LDB2: variants seen among roughly 807,000 people sequenced by gnomAD.
LDB2 encodes the protein LIM domain-binding protein 2.
LDB2 carries 12 observed loss-of-function variants against 44.3 expected under a neutral mutation model. The observed-to-expected ratio is 0.27, with a 90% confidence interval of 0.17 to 0.44. The LOEUF (loss-of-function observed/expected upper bound fraction) is 0.44, where lower values mean the gene tolerates loss of function less well. LDB2 is among the 20% of genes least tolerant of loss of function. The pLI is 1.00. For missense variants in LDB2, 344 were observed against 473.5 expected, an observed-to-expected ratio of 0.73 and a Z score of 2.54; for synonymous variants, 164 against 174.8, an observed-to-expected ratio of 0.94 and a Z score of 0.49.
intron 1 of LDB2, among the ~76,000 whole-genome samples, chr4:16,765,243 C>A (rs1027906117): frequency 6.6e-6 from 1 of 152,178 alleles, no homozygotes; most frequent in Non-Finnish European, 1.5e-5. Flanking sequence ...CAGAAAGGAG[C>A]CAGCATATGC....
chr4:16,768,424 C>T (rs1216710900), intron 1 of LDB2, among the ~76,000 whole-genome samples: 2 of 152,134 alleles, frequency 1.3e-5, no homozygotes, highest in African/African-American at 4.8e-5. Flanking sequence ...CATCAGCTAA[C>T]CTTTCTCAGA....
intron 1 of LDB2, among the ~76,000 whole-genome samples, chr4:16,887,156 G>C (rs16894160): frequency 0.036 from 5,431 of 150,474 alleles, 120 homozygotes; most frequent in South Asian, 0.058. Context: ...TTAATGCTTG[G>C]TAAGTGTGTT....
At chr4:16,768,452 T>A (rs886215412) in intron 1 of LDB2, among the ~76,000 whole-genome samples, 1 of 152,170 alleles carries the variant, frequency 6.6e-6, no homozygotes, top group Non-Finnish European at 1.5e-5. Flanking sequence ...GAAGAAAGGA[T>A]AAATTTGCCT....
At chr4:16,897,950 A>ATATATATATATATATATATACACATATG (rs1561575450) in intron 1 of LDB2, among the ~76,000 whole-genome samples, 62 of 62,326 alleles carry the variant, frequency 9.9e-4, no homozygotes, top group Non-Finnish European at 1.4e-3. Flanking sequence ...ACATATGTAT[A>ATATATATATATATATATATACACATATG]TATATATATA....
rs1182640043 is a variant in LDB2 at position 16,888,706 on chromosome 4, G to A, written c.132+9648C>T. ...AATTTGCTGATAGAATCCAGAATAAGTGTATCGTCGTCATCGTCGTCATCA... is the reference window on the plus strand; with the variant it reads ...AATTTGCTGATAGAATCCAGAATAAATGTATCGTCGTCATCGTCGTCATCA... On this transcript the variant is annotated intron_variant, in intron 1 of 7. Transcript: ENST00000304523. 10 of 984,220 alleles carry A rather than the reference G, an allele frequency of 1.0e-5. No homozygotes were observed. The African/African-American group carries it at 1.7e-4, about 17-fold the overall frequency. 61.0% of individuals were successfully genotyped at this position (984,220 alleles called of 1,614,324 possible).
intron 5 of LDB2, among the ~76,000 whole-genome samples, chr4:16,576,075 C>A (rs1748175378): frequency 6.6e-6 from 1 of 152,140 alleles, no homozygotes; most frequent in African/African-American, 2.4e-5. Context: ...CATACAAAAC[C>A]TATGGATACA....
chr4:16,866,639 CAT>C (rs1253577862), intron 1 of LDB2, among the ~76,000 whole-genome samples: 1 of 152,062 alleles, frequency 6.6e-6, no homozygotes, highest in East Asian at 1.9e-4. Context: ...CATTATGTTC[CAT>C]ATTCAGTCAA....
At chr4:16,542,896 G>A (rs1028237809) in intron 5 of LDB2, among the ~76,000 whole-genome samples, 1 of 151,182 alleles carries the variant, frequency 6.6e-6, no homozygotes, top group Non-Finnish European at 1.5e-5. Context: ...TTTATATTAG[G>A]TATATCTCCT....
intron 2 of LDB2, among the ~76,000 whole-genome samples, chr4:16,625,837 T>C (rs1397355363): frequency 1.3e-5 from 2 of 152,190 alleles, no homozygotes; most frequent in Non-Finnish European, 2.9e-5. Context: ...CAATGTCTCC[T>C]ACTCCTCACA....
intron 7 of LDB2, among the ~76,000 whole-genome samples, chr4:16,505,280 G>A (rs920129469): frequency 6.6e-6 from 1 of 152,064 alleles, no homozygotes; most frequent in Non-Finnish European, 1.5e-5. Context: ...ATTTCAAAGG[G>A]ATGCCACATA....
chr4:16,720,982 G>A (rs1579060545), intron 2 of LDB2, among the ~76,000 whole-genome samples: 1 of 152,270 alleles, frequency 6.6e-6, no homozygotes, highest in South Asian at 2.1e-4. Context: ...CCAAGTTCAA[G>A]TCACTTGACA....
At chr4:16,708,901 C>T (rs1755241257) in intron 2 of LDB2, among the ~76,000 whole-genome samples, 1 of 150,346 alleles carries the variant, frequency 6.7e-6, no homozygotes, top group Non-Finnish European at 1.5e-5. Context: ...CAATAATCTT[C>T]TCCTCACTCT....
At chr4:16,839,401 T>C (rs1785458856) in intron 1 of LDB2, among the ~76,000 whole-genome samples, 1 of 152,148 alleles carries the variant, frequency 6.6e-6, no homozygotes, top group Non-Finnish European at 1.5e-5. Flanking sequence ...ACTAACAGAT[T>C]GACAATTCAC....
intron 1 of LDB2, among the ~76,000 whole-genome samples, chr4:16,771,500 A>G (rs1210171675): frequency 6.6e-6 from 1 of 152,154 alleles, no homozygotes; most frequent in African/African-American, 2.4e-5. Flanking sequence ...TCTTAACCAA[A>G]GAGGCATCTC....
chr4:16,669,572 T>G (rs1744200975), intron 2 of LDB2, among the ~76,000 whole-genome samples: 1 of 152,244 alleles, frequency 6.6e-6, no homozygotes, highest in Non-Finnish European at 1.5e-5. Flanking sequence ...TAGTAATATA[T>G]TTTGACCTTT....
At chr4:16,694,080 C>T (rs1373256521) in intron 2 of LDB2, among the ~76,000 whole-genome samples, 1 of 152,182 alleles carries the variant, frequency 6.6e-6, no homozygotes, top group Admixed American at 6.5e-5. Context: ...CTGGGGCTGC[C>T]AGTGTAATTT....
At chr4:16,675,924 CTGTT>C (rs1746182271) in intron 2 of LDB2, among the ~76,000 whole-genome samples, 1 of 152,154 alleles carries the variant, frequency 6.6e-6, no homozygotes, top group Non-Finnish European at 1.5e-5. Flanking sequence ...TGACATATAT[CTGTT>C]TGTGCCTGAT....
At chr4:16,828,657 G>A (rs1410208450) in intron 1 of LDB2, among the ~76,000 whole-genome samples, 2 of 152,098 alleles carry the variant, frequency 1.3e-5, no homozygotes, top group Admixed American at 6.6e-5. Flanking sequence ...TAGTGATAAA[G>A]GAAAGAGCAA....
At chr4:16,703,486 A>G (rs1371954837) in intron 2 of LDB2, among the ~76,000 whole-genome samples, 2 of 152,232 alleles carry the variant, frequency 1.3e-5, no homozygotes, top group Non-Finnish European at 2.9e-5. Flanking sequence ...TCTCATGGGT[A>G]GAGAGCAGTT....
Sources: gnomAD v4.1 joint callset for allele counts (sites outside exome capture counted in the v4.1 genomes callset) on GRCh38, gnomAD v4.1.1 for gene constraint, MANE v1.5 for transcripts, NCBI Gene and HGNC (gene_info 2026-07-23, HGNC 2026-07-21) for gene names.